The following PBX1 variants were observed in gnomAD, a reference collection of about 807,000 sequenced individuals.
PBX1 encodes the protein pre-B-cell leukemia transcription factor 1.
Under a neutral mutation model 53.4 loss-of-function variants are expected in PBX1, and 6 were observed. The ratio of observed to expected loss-of-function variants is 0.11; its 90% CI spans 0.06 to 0.22. The LOEUF is 0.22. Ranked by LOEUF, PBX1 falls within the 10% of genes least tolerant of loss-of-function variation. The pLI, the probability that PBX1 is intolerant of heterozygous loss-of-function variation, is 1.00. For missense variants in PBX1, 251 were observed against 551.4 expected (o/e 0.46, Z 5.46); for synonymous variants, 204 against 212.3 (o/e 0.96, Z 0.34).
chr1:164,587,132 G>A (rs1049537183), intron 2 of PBX1, among the ~76,000 whole-genome samples: 1 of 152,168 alleles, frequency 6.6e-6, no homozygotes, highest in Admixed American at 6.5e-5. Context: ...ACATAACTGG[G>A]ATGTAGGATG....
intron 2 of PBX1, among the ~76,000 whole-genome samples, chr1:164,715,549 G>A (rs774168930): frequency 1.3e-5 from 2 of 152,172 alleles, no homozygotes; most frequent in African/African-American, 4.8e-5. Flanking sequence ...ACAGGACCAT[G>A]CTGGGGGACC....
chr1:164,826,480 C>G (rs1670469223), intron 8 of PBX1, among the ~76,000 whole-genome samples: 1 of 152,114 alleles, frequency 6.6e-6, no homozygotes, highest in Non-Finnish European at 1.5e-5. Flanking sequence ...TCTCAGCTCA[C>G]TGCAACCTCT....
intron 4 of PBX1, among the ~76,000 whole-genome samples, chr1:164,801,841 C>G (rs971141717): frequency 1.3e-5 from 2 of 152,198 alleles, no homozygotes; most frequent in African/African-American, 4.8e-5. Context: ...AACATGACCC[C>G]AAATTCCAGC....
intron 2 of PBX1, chr1:164,590,424 CT>C: frequency 2.2e-6 from 1 of 455,960 alleles, no homozygotes; most frequent in Non-Finnish European, 4.4e-6. Context: ...CGCCGCCCCC[CT>C]GTGCTTCAGG....
intron 2 of PBX1, among the ~76,000 whole-genome samples, chr1:164,628,746 A>T (rs891750522): frequency 3.3e-5 from 5 of 152,034 alleles, no homozygotes; most frequent in African/African-American, 1.2e-4. Context: ...ATCTAGATAT[A>T]TATGATATGT....
At chr1:164,784,430 G>A (rs915041328) in intron 2 of PBX1, among the ~76,000 whole-genome samples, 1 of 152,182 alleles carries the variant, frequency 6.6e-6, no homozygotes, top group Non-Finnish European at 1.5e-5. Context: ...CGTGTGAATG[G>A]GATCCATGCC....
chr1:164,704,913 A>G (rs756206120), intron 2 of PBX1, among the ~76,000 whole-genome samples: 5 of 152,260 alleles, frequency 3.3e-5, no homozygotes, highest in Non-Finnish European at 7.3e-5. Context: ...AAAAGCAACT[A>G]TAACTTTGAT....
intron 2 of PBX1, among the ~76,000 whole-genome samples, chr1:164,872,105 C>T (rs1002817084): frequency 7.9e-5 from 12 of 152,102 alleles, no homozygotes; most frequent in African/African-American, 2.9e-4. Flanking sequence ...GAAAAATGCA[C>T]TTATTCATAT....
At chr1:164,722,981 A>G (rs1275153326) in intron 2 of PBX1, among the ~76,000 whole-genome samples, 1 of 152,170 alleles carries the variant, frequency 6.6e-6, no homozygotes. Context: ...TTAGGGTCAT[A>G]TGGTTTGCAG....
chr1:164,637,145 A>G (rs904713015), intron 2 of PBX1, among the ~76,000 whole-genome samples: 1 of 152,178 alleles, frequency 6.6e-6, no homozygotes, highest in African/African-American at 2.4e-5. Context: ...ATCACTTTGG[A>G]TGATCTCACT....
At position 164,820,193 on chromosome 1, in the gene PBX1, C is replaced by T. The variant is rs766165881; in HGVS notation, c.1110+9C>T. ...CCAACGTGCAATCACAGGTAGGGAC[C>T]CAGCCAATATGTCACCAGGTGAATG... On this transcript the variant is annotated intron_variant, in intron 7 of 8. Transcript: ENST00000420696. The T allele has an allele frequency of 4.6e-6, 7 of 1,534,868 alleles. No homozygotes were observed. The South Asian group carries it at 6.7e-5, about 15-fold the overall frequency.
intron 2 of PBX1, among the ~76,000 whole-genome samples, chr1:164,600,793 A>C (rs1477110016): frequency 6.6e-6 from 1 of 152,190 alleles, no homozygotes; most frequent in Non-Finnish European, 1.5e-5. Context: ...GCCATCTCAG[A>C]CACGTTTGCT....
chr1:164,618,092 C>G (rs982410944), intron 2 of PBX1, among the ~76,000 whole-genome samples: 14 of 152,136 alleles, frequency 9.2e-5, no homozygotes, highest in Admixed American at 3.3e-4. Context: ...TTCTAGAAAG[C>G]GTTTGCCTGG....
chr1:164,765,893 T>G (rs570189139), intron 2 of PBX1, among the ~76,000 whole-genome samples: 35 of 152,348 alleles, frequency 2.3e-4, no homozygotes, highest in African/African-American at 8.2e-4. Flanking sequence ...GGTGGCTTTA[T>G]GCACTATCCT....
rs114577195 is a variant in PBX1, at chr1:164,796,988, C to T, written c.511-2711C>T. Among the ~76,000 whole-genome samples, 956 of 152,204 alleles carry T rather than the reference C, an allele frequency of 6.3e-3. 10 individuals are homozygous for T. Among genetic ancestry groups the T allele is most frequent in the African/African-American group, 0.022 (904 of 41,514 alleles). ...GGAGGTATGGGTAGCTCCTTCCTTCCCAGGTACTGGAAAAATCTGGATCAT... is the reference window on the plus strand; with the variant it reads ...GGAGGTATGGGTAGCTCCTTCCTTCTCAGGTACTGGAAAAATCTGGATCAT... On this transcript the variant is annotated intron_variant, in intron 3 of 8. Coordinates refer to ENST00000420696, the MANE Select transcript of PBX1 (RefSeq NM_002585.4).
chr1:164,817,895 GGGT>G (rs1669956879), intron 6 of PBX1: 1 of 152,168 alleles, frequency 6.6e-6, no homozygotes, highest in Non-Finnish European at 1.5e-5. Context: ...AGTGGAATCT[GGGT>G]GGTGCCAGGA....
chr1:164,775,338 TG>T (rs1483464260), intron 2 of PBX1, among the ~76,000 whole-genome samples: 3 of 152,286 alleles, frequency 2.0e-5, no homozygotes, highest in Admixed American at 2.0e-4. Context: ...GTGGTCTTTT[TG>T]TCTTTAGGGC....
intron 2 of PBX1, among the ~76,000 whole-genome samples, chr1:164,666,568 A>G (rs569697672): frequency 1.4e-5 from 2 of 142,364 alleles, no homozygotes; most frequent in Non-Finnish European, 3.0e-5. Context: ...TGATAAACTC[A>G]TAGAACTGTG....
chr1:164,740,550 A>C (rs536525831), intron 2 of PBX1, among the ~76,000 whole-genome samples: 1 of 152,244 alleles, frequency 6.6e-6, no homozygotes, highest in South Asian at 2.1e-4. Flanking sequence ...AACCCCTCAA[A>C]GCTCAGAACC....
Sources: allele counts gnomAD v4.1 joint callset (sites outside exome capture counted in the v4.1 genomes callset), GRCh38; gene constraint gnomAD v4.1.1; transcripts MANE v1.5; gene names NCBI Gene and HGNC (gene_info 2026-07-23, HGNC 2026-07-21).